The following CMTM8 variants were observed in gnomAD, a reference collection of about 807,000 sequenced individuals.
CMTM8 encodes the protein CKLF-like MARVEL transmembrane domain-containing protein 8.
In CMTM8, 12 loss-of-function variants were observed where a neutral mutation model predicts 18.6. That is an observed-to-expected ratio of 0.65 (90% CI 0.41 to 1.05). The LOEUF is 1.05. Ranked by LOEUF, CMTM8 falls within the 50% of genes least tolerant of loss-of-function variation. The probability of loss-of-function intolerance (pLI) is 0.00; values close to 1 mark genes in which losing one functional copy is unlikely to be tolerated. For synonymous variants in CMTM8, 87 were observed against 90.6 expected (o/e 0.96, Z 0.23); for missense variants, 217 against 227.2 (o/e 0.95, Z 0.29).
intron 1 of CMTM8, among the ~76,000 whole-genome samples, chr3:32,271,207 A>G (rs551208161): frequency 6.6e-6 from 1 of 151,856 alleles, no homozygotes; most frequent in East Asian, 1.9e-4. Flanking sequence ...GCTCACCACA[A>G]CCTCTGCCTC....
intron 1 of CMTM8, among the ~76,000 whole-genome samples, chr3:32,328,901 GT>G (rs1696218969): frequency 6.6e-6 from 1 of 152,000 alleles, no homozygotes; most frequent in African/African-American, 2.4e-5. Flanking sequence ...TCTACCAAAT[GT>G]TTAAAGAAGA....
rs184188620 is a variant in CMTM8 at position 32,332,638 on chromosome 3, G to A, written c.148-24735G>A. Among the ~76,000 whole-genome samples the A allele has an allele frequency of 4.9e-3, 744 of 152,220 alleles. 5 individuals carry two copies. Among genetic ancestry groups the A allele is most frequent in the Non-Finnish European group, 8.7e-3 (592 of 68,000 alleles). On this transcript the variant is annotated intron_variant, in intron 1 of 3. Coordinates refer to ENST00000307526, the MANE Select transcript of CMTM8 (RefSeq NM_178868.5). ...AATGCTGTCCTTAGCACGCTCAGCC[G>A]CCTCAATCCTTCTTGAATCTGTATA...
intron 1 of CMTM8, among the ~76,000 whole-genome samples, chr3:32,317,958 G>A (rs1446294997): frequency 6.6e-6 from 1 of 151,316 alleles, no homozygotes; most frequent in Non-Finnish European, 1.5e-5. Context: ...GGGAGGCTGG[G>A]TCAGGAGAAT....
Position 32,354,879 on chromosome 3 carries a change from GAGGCTT to G in CMTM8, c.148-2491_148-2486del, listed in dbSNP as rs202011393. On this transcript the variant is annotated intron_variant, in intron 1 of 3. Coordinates refer to ENST00000307526, the MANE Select transcript of CMTM8 (RefSeq NM_178868.5). ...TTCGGGCCAAAAACCTCATTAGTGT[GAGGCTT>G]AGCACTTTCTGGAATTATATCCCAT... Among the ~76,000 whole-genome samples, 74 of 152,300 alleles carry G rather than the reference GAGGCTT, an allele frequency of 4.9e-4. No homozygotes were observed. In the East Asian group the frequency reaches 0.013, roughly 27 times the overall value.
intron 1 of CMTM8, among the ~76,000 whole-genome samples, chr3:32,283,576 A>G (rs568121115): frequency 6.6e-6 from 1 of 152,288 alleles, no homozygotes; most frequent in South Asian, 2.1e-4. Flanking sequence ...ACGTCTAGGC[A>G]TTTCAGGCCG....
intron 1 of CMTM8, among the ~76,000 whole-genome samples, chr3:32,349,411 A>T (rs1020351753): frequency 1.3e-5 from 2 of 152,048 alleles, no homozygotes; most frequent in Non-Finnish European, 2.9e-5. Context: ...GATTGGACAG[A>T]TGAGGAAGTC....
At chr3:32,240,242 C>T (rs1701930190) in intron 1 of CMTM8, among the ~76,000 whole-genome samples, 1 of 152,182 alleles carries the variant, frequency 6.6e-6, no homozygotes, top group African/African-American at 2.4e-5. Context: ...AGATACCACC[C>T]GGACCTGCTC....
chr3:32,300,434 T>C (rs1035929576), intron 1 of CMTM8, among the ~76,000 whole-genome samples: 1 of 152,128 alleles, frequency 6.6e-6, no homozygotes, highest in Non-Finnish European at 1.5e-5. Flanking sequence ...AGGGTTTTGG[T>C]TTCCATGATC....
chr3:32,306,516 A>G (rs1695718831), intron 1 of CMTM8, among the ~76,000 whole-genome samples: 1 of 152,192 alleles, frequency 6.6e-6, no homozygotes, highest in Non-Finnish European at 1.5e-5. Flanking sequence ...CCTTTTGCCT[A>G]TTCACTCTTC....
chr3:32,309,300 ATTTTTT>A (rs4038996), intron 1 of CMTM8, among the ~76,000 whole-genome samples: 8 of 96,434 alleles, frequency 8.3e-5, no homozygotes, highest in African/African-American at 3.3e-4. Context: ...CAATTTACCA[ATTTTTT>A]TTTTTTTTTT....
intron 1 of CMTM8, among the ~76,000 whole-genome samples, chr3:32,340,909 T>G (rs956773472): frequency 6.6e-6 from 1 of 152,248 alleles, no homozygotes; most frequent in Non-Finnish European, 1.5e-5. Flanking sequence ...GCCTACCATG[T>G]GGCAGGTGCC....
chr3:32,319,813 C>T (rs1415506677), intron 1 of CMTM8, among the ~76,000 whole-genome samples: 3 of 152,220 alleles, frequency 2.0e-5, no homozygotes, highest in Non-Finnish European at 4.4e-5. Context: ...GCAGAACTGT[C>T]AAAACAGCCC....
chr3:32,326,564 T>G (rs1696162153), intron 1 of CMTM8, among the ~76,000 whole-genome samples: 1 of 148,768 alleles, frequency 6.7e-6, no homozygotes. Flanking sequence ...TCGCCCAGGC[T>G]GGAGTGCAGT....
rs78319507 is a variant in CMTM8 at position 32,275,505 on chromosome 3, C to T, written c.147+36386C>T. ...ATTCATGTAAATTGTTTAGCACTGGCGCATTGTAAGAACTCATAACCCTTG... is the reference window on the plus strand; with the variant it reads ...ATTCATGTAAATTGTTTAGCACTGGTGCATTGTAAGAACTCATAACCCTTG... On this transcript the variant is annotated intron_variant, in intron 1 of 3. Coordinates refer to ENST00000307526, the MANE Select transcript of CMTM8 (RefSeq NM_178868.5). 1.1e-3 allele frequency among the ~76,000 whole-genome samples: 170 copies of T among 152,186 alleles called. 3 individuals are homozygous for T. The East Asian group carries it at 0.026, about 24-fold the overall frequency.
At chr3:32,294,701 G>A (rs1702843982) in intron 1 of CMTM8, among the ~76,000 whole-genome samples, 1 of 152,174 alleles carries the variant, frequency 6.6e-6, no homozygotes, top group Admixed American at 6.5e-5. Flanking sequence ...CTTGTTTTCT[G>A]CCCTGCCTTC....
intron 1 of CMTM8, among the ~76,000 whole-genome samples, chr3:32,292,045 A>G (rs1416628443): frequency 2.0e-5 from 3 of 152,200 alleles, no homozygotes; most frequent in Non-Finnish European, 4.4e-5. Context: ...AGCTCTCATC[A>G]CCTTCTATCC....
chr3:32,249,426 C>A (rs190233932), intron 1 of CMTM8, among the ~76,000 whole-genome samples: 31 of 147,332 alleles, frequency 2.1e-4, no homozygotes, highest in African/African-American at 5.9e-4. Context: ...TAAGATCCTA[C>A]CTCAAAAAAT....
chr3:32,327,791 C>A (rs1405530304), intron 1 of CMTM8, among the ~76,000 whole-genome samples: 1 of 152,198 alleles, frequency 6.6e-6, no homozygotes, highest in East Asian at 1.9e-4. Flanking sequence ...GGCAGATTGG[C>A]CACCTTCTCC....
At chr3:32,361,007 G>A (rs1280450205) in intron 2 of CMTM8, among the ~76,000 whole-genome samples, 1 of 152,200 alleles carries the variant, frequency 6.6e-6, no homozygotes, top group Non-Finnish European at 1.5e-5. Flanking sequence ...TTGAGATGGA[G>A]TTTCACTCTT....
Sources: allele counts gnomAD v4.1 joint callset (sites outside exome capture counted in the v4.1 genomes callset), GRCh38; gene constraint gnomAD v4.1.1; transcripts MANE v1.5; gene names NCBI Gene and HGNC (gene_info 2026-07-23, HGNC 2026-07-21).